SLC3A2: variants seen among roughly 807,000 people sequenced by gnomAD.
SLC3A2 encodes amino acid transporter heavy chain SLC3A2.
A neutral mutation model predicts 48.5 loss-of-function variants in SLC3A2; 32 were observed. That is an observed-to-expected ratio of 0.66 (90% CI 0.50 to 0.89). The LOEUF is 0.89. Ranked by LOEUF, SLC3A2 falls within the 40% of genes least tolerant of loss-of-function variation. SLC3A2 has a pLI of 0.00. For synonymous variants in SLC3A2, 277 were observed against 288.8 expected, an observed-to-expected ratio of 0.96 and a Z score of 0.41; for missense variants, 587 against 680.7, an observed-to-expected ratio of 0.86 and a Z score of 1.53.
intron 1 of SLC3A2, among the ~76,000 whole-genome samples, chr11:62,857,597 G>A (rs1359808849): frequency 6.6e-6 from 1 of 151,466 alleles, no homozygotes; most frequent in Non-Finnish European, 1.5e-5. Flanking sequence ...GGCTAAGGTG[G>A]GAGGATTGCT....
chr11:62,870,147 A>G (rs1387815866), intron 1 of SLC3A2, among the ~76,000 whole-genome samples: 2 of 151,272 alleles, frequency 1.3e-5, no homozygotes, highest in Non-Finnish European at 2.9e-5. Flanking sequence ...TCAGAAAGAT[A>G]TTCTTATTTT....
intron 1 of SLC3A2, among the ~76,000 whole-genome samples, chr11:62,861,248 A>G (rs1590615543): frequency 6.6e-6 from 1 of 151,408 alleles, no homozygotes; most frequent in South Asian, 2.1e-4. Context: ...GGTGGGGAGG[A>G]TTGCTTGAGC....
At chr11:62,867,322 C>CTTTTTTTTTTTTTT (rs56758000) in intron 1 of SLC3A2, among the ~76,000 whole-genome samples, 3 of 67,638 alleles carry the variant, frequency 4.4e-5, no homozygotes, top group Non-Finnish European at 8.8e-5. Flanking sequence ...CTTTTCTTTT[C>CTTTTTTTTTTTTTT]TTTTTTTTTT....
At chr11:62,884,056 A>T (rs987152980) in intron 3 of SLC3A2, 3 of 461,094 alleles carry the variant, frequency 6.5e-6, no homozygotes, top group South Asian at 1.5e-5. Flanking sequence ...CTCACTGATT[A>T]TGACTGTGGA....
At chr11:62,877,051 C>G (rs1343441046), upstream of SLC3A2, among the ~76,000 whole-genome samples, 4 of 147,746 alleles carry the variant, frequency 2.7e-5, no homozygotes, top group African/African-American at 1.0e-4. Context: ...TTTCTTTTTT[C>G]TTCTTCCTTT....
upstream of SLC3A2, chr11:62,856,115 CG>C (rs1271596609): frequency 5.1e-6 from 3 of 584,566 alleles, no homozygotes; most frequent in Non-Finnish European, 8.7e-6. Context: ...GACCGCATTG[CG>C]GCTTGGTTTT....
upstream of SLC3A2, among the ~76,000 whole-genome samples, chr11:62,878,663 G>T (rs1185671013): frequency 3.5e-5 from 5 of 140,862 alleles, no homozygotes; most frequent in African/African-American, 1.3e-4. Context: ...ATTTTTAGTA[G>T]AGACGGGGTT....
intron 1 of SLC3A2, among the ~76,000 whole-genome samples, chr11:62,870,400 G>A (rs1274550813): frequency 1.3e-5 from 2 of 148,364 alleles, no homozygotes; most frequent in East Asian, 2.0e-4. Flanking sequence ...TGGCCAGGAT[G>A]GTCTTGATCT....
intron 1 of SLC3A2, among the ~76,000 whole-genome samples, chr11:62,857,272 CCAT>C (rs2085342472): frequency 6.6e-6 from 1 of 152,150 alleles, no homozygotes; most frequent in African/African-American, 2.4e-5. Context: ...CAGGCTCCCG[CCAT>C]CATCATGCCA....
intron 1 of SLC3A2, chr11:62,870,725 ATTT>A (rs754127613): frequency 2.8e-4 from 40 of 141,786 alleles, no homozygotes; most frequent in Admixed American, 1.5e-3. Flanking sequence ...TATTATTATT[ATTT>A]TTTTTTTTTT....
Position 62,885,247 on chromosome 11 carries a change from T to A in SLC3A2, c.889T>A (p.Leu297Met). ...GAGCCTACTCGAATCCAACAAAGAC[T>A]TGCTGTTGACTAGCTCATACCTGTC... The part of the protein sequence containing the change: ...ILSLLESNKD[L>M]LLTSSYLSDS... The change falls in exon 6 of 9, where the codon TTG becomes ATG. Residue 297 changes from leucine (L) to methionine (M), a missense_variant. This residue lies in a region of SLC3A2 where 409 missense variants were observed against 446.7 expected (regional missense o/e 0.92). Coordinates refer to ENST00000338663, the MANE Select transcript of SLC3A2 (RefSeq NM_001013251.3). 1 of 1,614,204 alleles carries A rather than the reference T, an allele frequency of 6.2e-7. No individual in the cohort carries two copies. Among genetic ancestry groups the A allele is most frequent in the South Asian group, 1.1e-5 (1 of 91,088 alleles).
chr11:62,871,721 T>G, intron 1 of SLC3A2: 1 of 533,100 alleles, frequency 1.9e-6, no homozygotes, highest in Non-Finnish European at 3.3e-6. Flanking sequence ...GAATTTGTCT[T>G]TAAAAATACG....
chr11:62,870,387 T>C (rs1207403034), intron 1 of SLC3A2, among the ~76,000 whole-genome samples: 1 of 150,704 alleles, frequency 6.6e-6, no homozygotes, highest in African/African-American at 2.5e-5. Context: ...TTTTTTACCA[T>C]GTTGGCCAGG....
chr11:62,871,668 AG>A, intron 1 of SLC3A2: 1 of 627,228 alleles, frequency 1.6e-6, no homozygotes, highest in South Asian at 1.9e-5. Context: ...CTGAGGTTAC[AG>A]GTAATTATTA....
At chr11:62,884,568 C>T (rs1406712217) in intron 4 of SLC3A2, 43 bp downstream of exon 4, 2 of 1,613,796 alleles carry the variant, frequency 1.2e-6, no homozygotes, top group Non-Finnish European at 1.7e-6. Context: ...TGGGCGAGAA[C>T]AGAGGGACTC....
intron 1 of SLC3A2, among the ~76,000 whole-genome samples, chr11:62,870,479 TGG>T (rs2085500005): frequency 6.6e-6 from 1 of 151,932 alleles, no homozygotes. Flanking sequence ...CCACCGCGCC[TGG>T]CCTATTTGAT....
Position 62,881,303 on chromosome 11 carries a change from G to T in SLC3A2, c.280G>T (p.Gly94Cys). The change falls in exon 1 of 9, where the codon GGC (glycine) becomes TGC (cysteine). Residue 94 changes from glycine (G) to cysteine (C), a missense_variant. Transcript: ENST00000338663. The surrounding 1 kb of genome is among the most constrained non-coding windows in gnomAD (Gnocchi z 4.0). The part of the protein sequence containing the change: ...LLLLFWLGWL[G>C]MLAGAVVIIV... ...GCTGCTCTTCTGGCTCGGCTGGCTC[G>T]GCATGCTTGCTGGTGCCGTGGTCAT... 1 of 1,577,066 alleles carries T rather than the reference G, an allele frequency of 6.3e-7. No individual in the cohort carries two copies.
intron 1 of SLC3A2, among the ~76,000 whole-genome samples, chr11:62,858,330 G>C (rs1173992438): frequency 2.0e-5 from 3 of 152,202 alleles, no homozygotes; most frequent in Non-Finnish European, 4.4e-5. Context: ...TTGTTGCCTT[G>C]CGACAATATT....
rs765432196 is a variant in SLC3A2, at chr11:62,888,584, T to G, written c.1481T>G (p.Leu494Arg). The change falls in exon 9 of 9, where the codon CTC (leucine) becomes CGC (arginine). Residue 494 changes from leucine to arginine, a missense_variant. By Grantham distance (102) the Leu-to-Arg change is moderately radical. This residue lies in a region of SLC3A2 where 169 missense variants were observed against 204.4 expected (regional missense o/e 0.83). Transcript: ENST00000338663. ...ASASLPAKAD[L>R]LLSTQPGREE... ...GCCAGCCTGCCAGCCAAGGCTGACCTCCTGCTCAGCACCCAGCCAGGCCGT... is the reference window on the plus strand; with the variant it reads ...GCCAGCCTGCCAGCCAAGGCTGACCGCCTGCTCAGCACCCAGCCAGGCCGT... 6.2e-7 allele frequency: 1 copy of G among 1,613,596 alleles called. No individual in the cohort carries two copies. The highest frequency in any genetic ancestry group is 8.5e-7 in the Non-Finnish European group (1 of 1,180,008).
Sources: gnomAD v4.1 joint callset for allele counts (sites outside exome capture counted in the v4.1 genomes callset) on GRCh38, gnomAD v4.1.1 for gene constraint, gnomAD v4.1.1 regional missense constraint, Gnocchi (gnomAD v3.1) non-coding constraint, MANE v1.5 for transcripts, NCBI Gene and HGNC (gene_info 2026-07-23, HGNC 2026-07-21) for gene names.